The following ANXA13 variants were observed in gnomAD, a reference collection of about 807,000 sequenced individuals.
ANXA13 encodes the protein annexin XIII.
In ANXA13, 36 loss-of-function variants were observed where a neutral mutation model predicts 46.6. The observed-to-expected ratio is 0.77, with a 90% CI of 0.59 to 1.02. The LOEUF is 1.02. Among genes scored for constraint, ANXA13 ranks in the 50% least tolerant of loss-of-function variants. The pLI, the probability that ANXA13 is intolerant of heterozygous loss-of-function variation, is 0.00. For missense variants in ANXA13, 417 were observed against 396.5 expected, an observed-to-expected ratio of 1.05 and a Z score of -0.44; for synonymous variants, 163 against 152.9, an observed-to-expected ratio of 1.07 and a Z score of -0.49.
At chr8:123,697,061 C>T (rs372209487) in intron 4 of ANXA13, among the ~76,000 whole-genome samples, 12 of 152,230 alleles carry the variant, frequency 7.9e-5, no homozygotes, top group African/African-American at 1.4e-4. Flanking sequence ...AGATGCATGG[C>T]GCCACACCTG....
chr8:123,695,302 G>C (rs1373928069), intron 6 of ANXA13, among the ~76,000 whole-genome samples, 200 bp downstream of exon 6: 1 of 152,218 alleles, frequency 6.6e-6, no homozygotes, highest in Non-Finnish European at 1.5e-5. Flanking sequence ...TGACTAGGCA[G>C]ATTGTTTATA....
At chr8:123,723,181 A>C (rs1052349189) in intron 1 of ANXA13, among the ~76,000 whole-genome samples, 11 of 152,126 alleles carry the variant, frequency 7.2e-5, no homozygotes, top group African/African-American at 2.7e-4. Flanking sequence ...CATCAGTGGG[A>C]GGCAGGGGGA....
At chr8:123,720,616 G>A (rs1292686743) in intron 1 of ANXA13, among the ~76,000 whole-genome samples, 1 of 150,010 alleles carries the variant, frequency 6.7e-6, no homozygotes, top group Non-Finnish European at 1.5e-5. Flanking sequence ...CACCATCAAG[G>A]TAATAAGTAT....
At chr8:123,719,914 TG>T (rs1460977057) in intron 1 of ANXA13, among the ~76,000 whole-genome samples, 2 of 152,140 alleles carry the variant, frequency 1.3e-5, no homozygotes, top group Admixed American at 1.3e-4. Context: ...TGGTGTGCGG[TG>T]TAGATGCATT....
chr8:123,718,434 C>T (rs948728178), intron 1 of ANXA13, among the ~76,000 whole-genome samples: 2 of 152,182 alleles, frequency 1.3e-5, no homozygotes, highest in Non-Finnish European at 2.9e-5. Flanking sequence ...CAACATCACA[C>T]CTTGTTAACT....
At position 123,681,316 on chromosome 8, in the gene ANXA13, T is replaced by C; in HGVS notation, c.875A>G (p.Gln292Arg). 1 of 1,614,152 alleles carries C rather than the reference T, an allele frequency of 6.2e-7. No individual in the cohort carries two copies. The highest frequency in any genetic ancestry group is 1.7e-5 in the Admixed American group (1 of 60,028). Residue 292 changes from glutamine to arginine, a missense_variant, in exon 11 of 11, where the codon CAG (glutamine) becomes CGG (arginine). Gln to Arg is a conservative substitution (Grantham distance 43). Transcript: ENST00000419625. ...GIKAKFQEKYQKSLSDMVRSD... is the reference protein window; with the variant it reads ...GIKAKFQEKYRKSLSDMVRSD... ...GCGAACCATGTCAGAGAGAGACTTCTGATACTTCTCTTGGAACTTTGCTTT... is the reference window on the plus strand; with the variant it reads ...GCGAACCATGTCAGAGAGAGACTTCCGATACTTCTCTTGGAACTTTGCTTT...
At chr8:123,700,256 G>C (rs1462955394) in intron 3 of ANXA13, among the ~76,000 whole-genome samples, 1 of 146,910 alleles carries the variant, frequency 6.8e-6, no homozygotes, top group Non-Finnish European at 1.5e-5. Context: ...CATTATATAA[G>C]CTGCAGAGAA....
chr8:123,698,581 C>A (rs763071345), intron 3 of ANXA13, 22 bp from the exon 4 acceptor site: 2 of 1,612,014 alleles, frequency 1.2e-6, no homozygotes, highest in Admixed American at 3.3e-5. Flanking sequence ...CAGTGAGAGA[C>A]GTGCTGGGAA....
At chr8:123,708,491 C>T (rs1476105881) in intron 2 of ANXA13, among the ~76,000 whole-genome samples, 1 of 152,192 alleles carries the variant, frequency 6.6e-6, no homozygotes, top group East Asian at 1.9e-4. Context: ...AGCCCCCGCT[C>T]TGGTGCTTAA....
At chr8:123,708,422 C>T (rs886845165) in intron 2 of ANXA13, among the ~76,000 whole-genome samples, 41 of 152,332 alleles carry the variant, frequency 2.7e-4, no homozygotes, top group African/African-American at 9.9e-4. Context: ...GGTGGAGGCT[C>T]AGCTTTCCCT....
chr8:123,686,894 T>C (rs574036234), intron 9 of ANXA13, among the ~76,000 whole-genome samples: 5 of 152,342 alleles, frequency 3.3e-5, no homozygotes, highest in African/African-American at 1.2e-4. Flanking sequence ...GTTATTTGTG[T>C]GGCTTATTCT....
At chr8:123,719,448 G>A (rs1270725450) in intron 1 of ANXA13, among the ~76,000 whole-genome samples, 2 of 152,086 alleles carry the variant, frequency 1.3e-5, no homozygotes, top group African/African-American at 4.8e-5. Context: ...GATTTATGAA[G>A]CATAGTCCCT....
intron 1 of ANXA13, chr8:123,728,691 G>T (rs1814049726): frequency 6.6e-6 from 1 of 152,154 alleles, no homozygotes; most frequent in Non-Finnish European, 1.5e-5. Flanking sequence ...TGCTGAAAAG[G>T]AAACAAGGTA....
rs750855704 is a variant in ANXA13, at chr8:123,681,279, G to T, written c.912C>A (p.Ser304=). 5.0e-6 allele frequency: 8 copies of T among 1,614,002 alleles called. No individual in the cohort carries two copies. The highest frequency in any genetic ancestry group is 6.8e-6 in the Non-Finnish European group (8 of 1,180,002). Residue 304 remains serine (S), a synonymous_variant, in exon 11 of 11, where the codon TCC becomes TCA. Transcript: ENST00000419625. ...CTACTAGCAGTTTCCGGAAGTCCCC[G>T]GAGGTATCTGAGCGAACCATGTCAG... ...SLSDMVRSDT[S]GDFRKLLVAL...
intron 4 of ANXA13, 74 bp downstream of exon 4, chr8:123,698,315 G>T: frequency 6.6e-7 from 1 of 1,516,536 alleles, no homozygotes. Flanking sequence ...CTGGGAAGTA[G>T]GGTCCCTTCT....
chr8:123,717,043 A>AT (rs1200941908), intron 1 of ANXA13, among the ~76,000 whole-genome samples: 1 of 152,078 alleles, frequency 6.6e-6, no homozygotes, highest in Non-Finnish European at 1.5e-5. Flanking sequence ...CAATTTGTTT[A>AT]TTTTTTGACA....
intron 10 of ANXA13, 103 bp downstream of exon 10, chr8:123,684,507 T>C: frequency 1.3e-6 from 1 of 787,432 alleles, no homozygotes. Flanking sequence ...TCTGTTTTAC[T>C]TTTTCTGTAA....
intron 9 of ANXA13, among the ~76,000 whole-genome samples, chr8:123,684,971 C>T (rs1226696783): frequency 1.3e-5 from 2 of 152,222 alleles, no homozygotes; most frequent in East Asian, 1.9e-4. Context: ...GTGGCATCCT[C>T]GGGCCCTCCC....
At chr8:123,685,706 T>C (rs770349980) in intron 9 of ANXA13, among the ~76,000 whole-genome samples, 3 of 152,130 alleles carry the variant, frequency 2.0e-5, no homozygotes, top group Non-Finnish European at 4.4e-5. Flanking sequence ...AGAGTCTAGT[T>C]TGGGGACCAG....
Sources: allele counts gnomAD v4.1 joint callset (sites outside exome capture counted in the v4.1 genomes callset), GRCh38; gene constraint gnomAD v4.1.1; transcripts MANE v1.5; gene names NCBI Gene and HGNC (gene_info 2026-07-23, HGNC 2026-07-21).